The following KAZN variants were observed in gnomAD, a reference collection of about 807,000 sequenced individuals.
The protein encoded by KAZN is kazrin.
In KAZN, 40 loss-of-function variants were observed where a neutral mutation model predicts 87.4. That is an observed-to-expected ratio of 0.46 (90% confidence interval 0.36 to 0.60). The LOEUF is 0.60. Ranked by LOEUF, KAZN falls within the 20% of genes least tolerant of loss-of-function variation. The pLI is 0.00. For synonymous variants in KAZN, 466 were observed against 458.3 expected (o/e 1.02, Z -0.22); for missense variants, 898 against 1,073.9 (o/e 0.84, Z 2.29).
chr1:14,480,504 A>C (rs1391047616), intron 2 of KAZN, among the ~76,000 whole-genome samples: 2 of 150,820 alleles, frequency 1.3e-5, no homozygotes, highest in Non-Finnish European at 3.0e-5. Context: ...AAAGGCCTTT[A>C]CGTTGACAAA....
chr1:14,221,357 G>A (rs996243605), intron 2 of KAZN, among the ~76,000 whole-genome samples: 3 of 152,108 alleles, frequency 2.0e-5, no homozygotes, highest in Non-Finnish European at 4.4e-5. Context: ...GGAGTCTTCT[G>A]TTAACATTAT....
At chr1:14,431,117 A>G (rs556582405) in intron 2 of KAZN, among the ~76,000 whole-genome samples, 13 of 152,350 alleles carry the variant, frequency 8.5e-5, no homozygotes, top group African/African-American at 2.4e-4. Context: ...ATGAATACGC[A>G]TATTGAAGAA....
At position 14,174,661 on chromosome 1, in the gene KAZN, C is replaced by T. The variant is rs192259345; in HGVS notation, c.92-5774C>T. On this transcript the variant is annotated intron_variant, in intron 1 of 16. Transcript: ENST00000636203. ...GCCAATACACAGAGACCATCTTTGG[C>T]TCACTTATATAACAAGGAGTTAAAA... 1.5e-4 allele frequency among the ~76,000 whole-genome samples: 23 copies of T among 152,278 alleles called. No homozygotes were observed. In the East Asian group the frequency reaches 2.3e-3, roughly 15 times the overall value.
chr1:14,040,583 G>A (rs1290156259), intron 1 of KAZN, among the ~76,000 whole-genome samples: 1 of 152,038 alleles, frequency 6.6e-6, no homozygotes, highest in African/African-American at 2.4e-5. Context: ...CCAACATGGT[G>A]AAACCCCATC....
chr1:14,240,406 G>T (rs1648835488), intron 2 of KAZN, among the ~76,000 whole-genome samples: 1 of 152,258 alleles, frequency 6.6e-6, no homozygotes, highest in Admixed American at 6.5e-5. Context: ...CACCATTGCA[G>T]TAGGACAGCA....
chr1:14,762,491 C>T (rs550659007), intron 1 of KAZN, among the ~76,000 whole-genome samples: 19 of 53,686 alleles, frequency 3.5e-4, no homozygotes, highest in African/African-American at 9.5e-4. Context: ...TTTGGGAGGC[C>T]GAGGTGGGAG....
rs559013269 is a variant in KAZN at position 14,213,140 on chromosome 1, G to A, written c.249+32548G>A. Among the ~76,000 whole-genome samples, 18 of 152,170 alleles carry A rather than the reference G, an allele frequency of 1.2e-4. No individual in the cohort carries two copies. In the South Asian group the frequency reaches 3.7e-3, roughly 32 times the overall value. ...CTGTATTTATTTAAAGGCTATTTTAGCATATTATTTCTTAAGTAGATATGG... is the reference window on the plus strand; with the variant it reads ...CTGTATTTATTTAAAGGCTATTTTAACATATTATTTCTTAAGTAGATATGG... On this transcript the variant is annotated intron_variant, in intron 2 of 16. Coordinates refer to the KAZN transcript ENST00000636203.
At chr1:14,831,272 G>A (rs573156388) in intron 1 of KAZN, among the ~76,000 whole-genome samples, 72 of 152,278 alleles carry the variant, frequency 4.7e-4, no homozygotes, top group Admixed American at 2.1e-3. Flanking sequence ...GAAAACCCTC[G>A]GTTGTCCTCC....
intron 2 of KAZN, among the ~76,000 whole-genome samples, chr1:14,374,615 G>C (rs1328284041): frequency 6.6e-6 from 1 of 152,094 alleles, no homozygotes; most frequent in Non-Finnish European, 1.5e-5. Flanking sequence ...GATGATCAAA[G>C]TTCAGTGGTA....
At chr1:15,060,390 G>C in intron 6 of KAZN, 88 bp downstream of exon 6, 1 of 1,537,804 alleles carries the variant, frequency 6.5e-7, no homozygotes, top group Non-Finnish European at 8.9e-7. Flanking sequence ...CATACTCGCT[G>C]TTTCCTCTCG....
chr1:15,079,196 G>A (rs765879216), intron 8 of KAZN, among the ~76,000 whole-genome samples: 7 of 152,116 alleles, frequency 4.6e-5, no homozygotes, highest in African/African-American at 1.2e-4. Flanking sequence ...TCTCCCAGCC[G>A]TCACAATGCC....
chr1:14,581,716 GC>G (rs1400532592), intron 2 of KAZN, among the ~76,000 whole-genome samples: 1 of 152,064 alleles, frequency 6.6e-6, no homozygotes, highest in Non-Finnish European at 1.5e-5. Context: ...CTCCATGCCT[GC>G]CCCACTGTTT....
Position 15,034,810 on chromosome 1 carries a change from G to A in KAZN, c.480G>A (p.Gln160=). The part of the protein sequence containing the change: ...GEKTDLVSQM[Q]QLYATLESRE... Reference sequence around the variant, plus strand: ...AGACAGACCTGGTGAGCCAGATGCAGCAGCTGTATGCCACACTGGAGAGCC... The same window carrying A: ...AGACAGACCTGGTGAGCCAGATGCAACAGCTGTATGCCACACTGGAGAGCC... The change falls in exon 3 of 15, where the codon CAG becomes CAA. Residue 160 remains glutamine (Q), a synonymous_variant. Coordinates refer to ENST00000376030, the MANE Select transcript of KAZN (RefSeq NM_201628.3). The A allele has an allele frequency of 6.2e-7, 1 of 1,614,140 alleles. No homozygotes were observed. The highest frequency in any genetic ancestry group is 1.1e-5 in the South Asian group (1 of 91,076).
chr1:15,019,852 G>A (rs1166215382), intron 2 of KAZN, among the ~76,000 whole-genome samples: 1 of 152,178 alleles, frequency 6.6e-6, no homozygotes, highest in Non-Finnish European at 1.5e-5. Context: ...GTTATCATCG[G>A]TTATCATTGC....
intron 4 of KAZN, among the ~76,000 whole-genome samples, chr1:15,045,712 A>G (rs968153205): frequency 5.9e-5 from 9 of 152,206 alleles, no homozygotes. Flanking sequence ...TCAGAAACTC[A>G]TAATCATGGC....
chr1:14,839,526 G>A (rs771270934), intron 1 of KAZN, among the ~76,000 whole-genome samples: 5 of 152,076 alleles, frequency 3.3e-5, no homozygotes, highest in East Asian at 1.9e-4. Context: ...GATTGTTATC[G>A]TTACCAGAAA....
chr1:14,485,234 C>G (rs1045545555), intron 2 of KAZN, among the ~76,000 whole-genome samples: 12 of 152,178 alleles, frequency 7.9e-5, no homozygotes, highest in African/African-American at 2.9e-4. Context: ...TTTCATTGAC[C>G]ACGTTGCATT....
At chr1:14,167,582 G>T (rs1003534179) in intron 1 of KAZN, among the ~76,000 whole-genome samples, 2 of 152,120 alleles carry the variant, frequency 1.3e-5, no homozygotes, top group Non-Finnish European at 2.9e-5. Context: ...CATTAGCCAG[G>T]CATCGTGGCA....
intron 1 of KAZN, among the ~76,000 whole-genome samples, chr1:14,835,366 G>C (rs1481605816): frequency 6.6e-6 from 1 of 152,148 alleles, no homozygotes; most frequent in African/African-American, 2.4e-5. Context: ...AATGAGAGAT[G>C]GGCTACAGCT....
Sources: gnomAD v4.1 joint callset for allele counts (sites outside exome capture counted in the v4.1 genomes callset) on GRCh38, gnomAD v4.1.1 for gene constraint, MANE v1.5 for transcripts, NCBI Gene and HGNC (gene_info 2026-07-23, HGNC 2026-07-21) for gene names.